The following PRRT1B variants were observed in gnomAD, a reference collection of about 807,000 sequenced individuals.
PRRT1B encodes the protein proline rich transmembrane protein 1B.
rs565625390 is a variant in PRRT1B, at chr9:131,546,842, G to A, written c.25+1202G>A. ...CATCGGGCCAGATATTTGCCCTGGC[G>A]GGATCCAGGGAAACTGCGGTTTTTG... On this transcript the variant is annotated intron_variant, in intron 1 of 3. Coordinates refer to ENST00000636672, the Ensembl canonical transcript of PRRT1B. 5.9e-5 allele frequency among the ~76,000 whole-genome samples: 9 copies of A among 152,228 alleles called. No individual in the cohort carries two copies. The East Asian group carries it at 1.5e-3, about 26-fold the overall frequency.
At chr9:131,558,617 G>A (rs981521196) in exon 4 of PRRT1B, 25 of 157,464 alleles carry the variant, frequency 1.6e-4, no homozygotes, top group African/African-American at 5.0e-4. Context: ...TGCAACCTCC[G>A]CCCCCCGCCC....
intron 2 of PRRT1B, among the ~76,000 whole-genome samples, chr9:131,555,286 G>C (rs1951041699): frequency 6.6e-6 from 1 of 152,224 alleles, no homozygotes; most frequent in South Asian, 2.1e-4. Context: ...GGATGGTGGA[G>C]GCTTGTTTGG....
chr9:131,559,738 G>A (rs1951073047), downstream of PRRT1B, among the ~76,000 whole-genome samples: 1 of 152,188 alleles, frequency 6.6e-6, no homozygotes. Context: ...TGATGCTGAA[G>A]CTGGTACTCA....
chr9:131,552,769 C>T (rs1343942909), intron 1 of PRRT1B, among the ~76,000 whole-genome samples: 1 of 151,256 alleles, frequency 6.6e-6, no homozygotes, highest in East Asian at 1.9e-4. Context: ...ACCTCTGGGG[C>T]TTGAGCAATT....
At chr9:131,558,297 C>T in exon 4 of PRRT1B, 4 of 399,892 alleles carry the variant, frequency 1.0e-5, no homozygotes, top group Non-Finnish European at 1.8e-5. Flanking sequence ...CTGCCGGTGG[C>T]CAGCTCTTGC....
intron 3 of PRRT1B, among the ~76,000 whole-genome samples, 183 bp downstream of exon 3, chr9:131,556,396 C>T (rs1465088975): frequency 1.3e-5 from 2 of 152,158 alleles, no homozygotes; most frequent in Non-Finnish European, 2.9e-5. Flanking sequence ...TGTCTCTGCC[C>T]CCAACTATTC....
chr9:131,551,067 C>T lies in PRRT1B; in HGVS notation c.26-3490C>T, dbSNP rs989459671. Among the ~76,000 whole-genome samples the T allele has an allele frequency of 3.3e-5, 5 of 150,256 alleles. No homozygotes were observed. The highest frequency in any genetic ancestry group is 3.9e-4 in the East Asian group (2 of 5,100). On this transcript the variant is annotated intron_variant, in intron 1 of 3. Coordinates refer to ENST00000636672, the Ensembl canonical transcript of PRRT1B. The surrounding 1 kb of genome is among the most constrained non-coding windows in gnomAD (Gnocchi z 4.4). Reference sequence around the variant, plus strand: ...ACGCCATTCTTCTGCCTCAGCCTCCCGAGTAGCTGGGACTACAGGCACCCG... The same window carrying T: ...ACGCCATTCTTCTGCCTCAGCCTCCTGAGTAGCTGGGACTACAGGCACCCG...
At chr9:131,556,417 G>A (rs1027101753) in intron 3 of PRRT1B, among the ~76,000 whole-genome samples, 9 of 152,234 alleles carry the variant, frequency 5.9e-5, no homozygotes, top group Admixed American at 5.9e-4. Flanking sequence ...AAAATGTGCT[G>A]TGGAATGTTT....
chr9:131,554,279 C>T (rs1278044279), intron 1 of PRRT1B, among the ~76,000 whole-genome samples: 1 of 152,174 alleles, frequency 6.6e-6, no homozygotes, highest in Admixed American at 6.5e-5. Flanking sequence ...GGTGAAACTA[C>T]CTCCCAATAG....
At chr9:131,557,221 G>A (rs1951056395) in intron 3 of PRRT1B, among the ~76,000 whole-genome samples, 1 of 152,082 alleles carries the variant, frequency 6.6e-6, no homozygotes, top group Non-Finnish European at 1.5e-5. Context: ...ATTCAAAGAT[G>A]CCAATGTGAT....
In PRRT1B at chr9:131,551,740, C is replaced by G. The variant is rs1051125777; in HGVS notation, c.26-2817C>G. 6.6e-6 allele frequency among the ~76,000 whole-genome samples: 1 copy of G among 152,134 alleles called. No individual in the cohort carries two copies. Among genetic ancestry groups the G allele is most frequent in the African/African-American group, 2.4e-5 (1 of 41,490 alleles). On this transcript the variant is annotated intron_variant, in intron 1 of 3. Coordinates refer to ENST00000636672, the Ensembl canonical transcript of PRRT1B. The surrounding 1 kb of genome is among the most constrained non-coding windows in gnomAD (Gnocchi z 4.4). ...GCTCCCCCACTGAGCACCTTGTGACCCCCACTCCTGCCCACCAGAGAACAA... is the reference window on the plus strand; with the variant it reads ...GCTCCCCCACTGAGCACCTTGTGACGCCCACTCCTGCCCACCAGAGAACAA...
chr9:131,546,476 G>T (rs1950975627), intron 1 of PRRT1B, among the ~76,000 whole-genome samples: 1 of 152,126 alleles, frequency 6.6e-6, no homozygotes, highest in African/African-American at 2.4e-5. Context: ...GAAGCAGTGG[G>T]GCGGTGGCAG....
intron 1 of PRRT1B, among the ~76,000 whole-genome samples, chr9:131,553,868 T>G (rs1951028197): frequency 6.6e-6 from 1 of 152,152 alleles, no homozygotes; most frequent in Non-Finnish European, 1.5e-5. Context: ...AGGTGCAGCC[T>G]TAAGAATTTG....
downstream of PRRT1B, among the ~76,000 whole-genome samples, chr9:131,558,885 C>G (rs1209587184): frequency 6.6e-6 from 1 of 152,216 alleles, no homozygotes; most frequent in Non-Finnish European, 1.5e-5. Context: ...ATGGCAACAT[C>G]TGTCCACAGT....
At chr9:131,556,180 C>T in exon 3 of PRRT1B, 1 of 401,134 alleles carries the variant, frequency 2.5e-6, no homozygotes, top group Non-Finnish European at 4.4e-6. Flanking sequence ...GCTGTCTGCT[C>T]ACCGGTCTCA....
rs540690508 is a variant in PRRT1B at position 131,556,067 on chromosome 9, C to T, written c.499-3C>T. 9 of 400,890 alleles carry T rather than the reference C, an allele frequency of 2.2e-5. No homozygotes were observed. The highest frequency in any genetic ancestry group is 4.4e-5 in the Admixed American group (1 of 22,738). 24.8% of individuals were successfully genotyped at this position (400,890 alleles called of 1,614,324 possible). On this transcript the variant is annotated splice_region_variant and splice_polypyrimidine_tract_variant and intron_variant, in intron 2 of 3. Coordinates refer to ENST00000636672, the Ensembl canonical transcript of PRRT1B. ...CCTCACCACTGTGGCTCTGCCCCCA[C>T]AGTACAATGGCCCGATGGCTGGCGT...
At chr9:131,548,331 C>T (rs1165949993) in intron 1 of PRRT1B, among the ~76,000 whole-genome samples, 1 of 152,034 alleles carries the variant, frequency 6.6e-6, no homozygotes. Flanking sequence ...TCTATTCCTC[C>T]TTCTTCTCCC....
intron 1 of PRRT1B, among the ~76,000 whole-genome samples, chr9:131,546,721 C>T (rs1001535011): frequency 5.3e-5 from 8 of 151,954 alleles, no homozygotes; most frequent in African/African-American, 1.9e-4. Context: ...GCGGAGGCTC[C>T]GGTGTCAAGA....
intron 3 of PRRT1B, among the ~76,000 whole-genome samples, chr9:131,557,690 G>A (rs1445831133): frequency 2.6e-5 from 4 of 152,238 alleles, no homozygotes; most frequent in African/African-American, 9.6e-5. Flanking sequence ...TTGAGAGGTT[G>A]CTGCCTGCTG....
Sources: allele counts gnomAD v4.1 joint callset (sites outside exome capture counted in the v4.1 genomes callset), GRCh38; gene constraint gnomAD v4.1.1; non-coding constraint Gnocchi (gnomAD v3.1); transcripts MANE v1.5; gene names NCBI Gene and HGNC (gene_info 2026-07-23, HGNC 2026-07-21).